The following PHACTR1 variants were observed in gnomAD, a reference collection of about 807,000 sequenced individuals.
PHACTR1 encodes the protein phosphatase and actin regulator 1, also known as RPEL repeat containing 1.
In PHACTR1, 16 loss-of-function variants were observed where a neutral mutation model predicts 69.2. That is an observed-to-expected ratio of 0.23 (90% CI 0.16 to 0.35). The LOEUF (loss-of-function observed/expected upper bound fraction) is 0.35. PHACTR1 is among the 10% of genes least tolerant of loss of function. The pLI is 1.00. For synonymous variants in PHACTR1, 312 were observed against 284.5 expected, an observed-to-expected ratio of 1.10 and a Z score of -0.97; for missense variants, 510 against 734.7, an observed-to-expected ratio of 0.69 and a Z score of 3.54.
chr6:12,963,891 GGT>G (rs1461915519), intron 4 of PHACTR1, among the ~76,000 whole-genome samples: 15 of 152,154 alleles, frequency 9.9e-5, no homozygotes, highest in African/African-American at 3.6e-4. Flanking sequence ...CTGATTTCAA[GGT>G]TCATAACTTG....
At chr6:13,221,920 C>T (rs1768715848) in intron 8 of PHACTR1, among the ~76,000 whole-genome samples, 1 of 152,058 alleles carries the variant, frequency 6.6e-6, no homozygotes, top group South Asian at 2.1e-4. Context: ...CCTGTAATCC[C>T]AGCCACCTGG....
intron 4 of PHACTR1, among the ~76,000 whole-genome samples, chr6:12,980,495 G>A (rs906921093): frequency 2.6e-5 from 4 of 151,970 alleles, no homozygotes; most frequent in African/African-American, 4.8e-5. Flanking sequence ...CAAATAGCAC[G>A]GTGACTTGCA....
chr6:13,261,252 C>T (rs1775872158), intron 10 of PHACTR1, among the ~76,000 whole-genome samples: 1 of 152,112 alleles, frequency 6.6e-6, no homozygotes, highest in Non-Finnish European at 1.5e-5. Flanking sequence ...CGTAGGAGGA[C>T]AGCTTTGTTC....
At chr6:13,209,773 A>G (rs888356236) in intron 8 of PHACTR1, among the ~76,000 whole-genome samples, 15 of 152,230 alleles carry the variant, frequency 9.9e-5, no homozygotes, top group African/African-American at 3.6e-4. Context: ...ATTGTCAAGA[A>G]GGTCTGACTG....
chr6:12,916,643 C>G (rs1463829648), intron 4 of PHACTR1, among the ~76,000 whole-genome samples: 1 of 151,216 alleles, frequency 6.6e-6, no homozygotes, highest in Non-Finnish European at 1.5e-5. Flanking sequence ...GAAAAGAGCA[C>G]CAGCAGCCCA....
At position 12,969,860 on chromosome 6, in the gene PHACTR1, G is replaced by A. The variant is rs552729153; in HGVS notation, c.251-83505G>A. ...CGCCTATAATCCCAGCTACTCAGGA[G>A]GCTGAGGCAGGAGAATTGCTTGAAC... is the stretch of plus-strand genomic sequence containing the variant. On this transcript the variant is annotated intron_variant, in intron 4 of 14. Coordinates refer to ENST00000332995, the MANE Select transcript of PHACTR1 (RefSeq NM_030948.6). Among the ~76,000 whole-genome samples, 12 of 152,298 alleles carry A rather than the reference G, an allele frequency of 7.9e-5. No individual in the cohort carries two copies. The East Asian group carries it at 2.1e-3, about 27-fold the overall frequency.
At chr6:13,278,056 A>T in intron 11 of PHACTR1, 1 of 406,472 alleles carries the variant, frequency 2.5e-6, no homozygotes, top group Non-Finnish European at 4.6e-6. Flanking sequence ...CAAAATGACA[A>T]GGTCAGCCTG....
At chr6:12,777,241 A>ATTTT (rs57971928) in intron 4 of PHACTR1, among the ~76,000 whole-genome samples, 2,189 of 134,132 alleles carry the variant, frequency 0.016, 28 homozygotes, top group Admixed American at 0.019. Flanking sequence ...ATATATATAT[A>ATTTT]TTTTTTTAAT....
chr6:12,720,486 G>C (rs1761973241), intron 3 of PHACTR1, among the ~76,000 whole-genome samples: 1 of 152,190 alleles, frequency 6.6e-6, no homozygotes, highest in African/African-American at 2.4e-5. Flanking sequence ...GTTTTCAGCA[G>C]ATGGAGCTGG....
chr6:13,192,836 A>G (rs1488532273), intron 7 of PHACTR1, among the ~76,000 whole-genome samples: 4 of 152,168 alleles, frequency 2.6e-5, no homozygotes, highest in Non-Finnish European at 5.9e-5. Context: ...TGTGAGGGAG[A>G]GAAGCCCTGT....
intron 4 of PHACTR1, among the ~76,000 whole-genome samples, chr6:12,752,051 C>T (rs1766688107): frequency 6.6e-6 from 1 of 152,172 alleles, no homozygotes; most frequent in Non-Finnish European, 1.5e-5. Context: ...ACATTTGCTG[C>T]CTATTTACTA....
At chr6:13,044,943 A>G (rs1583106689) in intron 4 of PHACTR1, among the ~76,000 whole-genome samples, 1 of 151,090 alleles carries the variant, frequency 6.6e-6, no homozygotes, top group East Asian at 1.9e-4. Flanking sequence ...TCTATATTAT[A>G]TGACATTTTA....
intron 4 of PHACTR1, among the ~76,000 whole-genome samples, chr6:12,765,629 C>T (rs1235834972): frequency 6.6e-6 from 1 of 152,134 alleles, no homozygotes; most frequent in East Asian, 1.9e-4. Context: ...AAACCTGTCC[C>T]CTCAGAGCTG....
intron 4 of PHACTR1, among the ~76,000 whole-genome samples, chr6:12,796,243 C>T (rs550557959): frequency 2.6e-5 from 4 of 152,236 alleles, no homozygotes; most frequent in Non-Finnish European, 5.9e-5. Context: ...TGTATTATAG[C>T]AATTATGTAT....
intron 5 of PHACTR1, among the ~76,000 whole-genome samples, chr6:13,073,992 C>A (rs1348784880): frequency 2.0e-5 from 3 of 151,996 alleles, no homozygotes; most frequent in Admixed American, 2.0e-4. Context: ...CCTGCCTCAG[C>A]CTCCCGAGTA....
intron 5 of PHACTR1, among the ~76,000 whole-genome samples, chr6:13,072,763 G>A (rs1174012399): frequency 6.6e-6 from 1 of 152,024 alleles, no homozygotes; most frequent in African/African-American, 2.4e-5. Flanking sequence ...TGGTTCTGGG[G>A]TGCATTGGGT....
At chr6:12,749,845 G>A in intron 4 of PHACTR1, 55 bp downstream of exon 4, 3 of 1,300,030 alleles carry the variant, frequency 2.3e-6, no homozygotes, top group Admixed American at 2.6e-5. Flanking sequence ...CTCCCTCCCC[G>A]GCTGTTGAGC....
At chr6:13,174,944 G>A (rs1761118839) in intron 6 of PHACTR1, among the ~76,000 whole-genome samples, 1 of 152,160 alleles carries the variant, frequency 6.6e-6, no homozygotes. Flanking sequence ...TTCAGAGGTT[G>A]TTATTATTAC....
In PHACTR1 at chr6:13,163,586, A is replaced by T. The variant is rs373519727; in HGVS notation, c.496+3302A>T. Among the ~76,000 whole-genome samples, 4 of 152,320 alleles carry T rather than the reference A, an allele frequency of 2.6e-5. No individual in the cohort carries two copies. The East Asian group carries it at 5.8e-4, about 22-fold the overall frequency. On this transcript the variant is annotated intron_variant, in intron 6 of 14. Transcript: ENST00000332995. The stretch of plus-strand genomic sequence containing the variant: ...AACTTCGTTGCACATAGTAGTGTAT[A>T]GGTTTGTGTTTTCTATGGGATTTTC...
Sources: allele counts gnomAD v4.1 joint callset (sites outside exome capture counted in the v4.1 genomes callset), GRCh38; gene constraint gnomAD v4.1.1; transcripts MANE v1.5; gene names NCBI Gene and HGNC (gene_info 2026-07-23, HGNC 2026-07-21).